The following CSNK1G1 variants were observed in gnomAD, a reference collection of about 807,000 sequenced individuals.
CSNK1G1 encodes the protein casein kinase I isoform gamma-1.
CSNK1G1 carries 22 observed loss-of-function variants against 59.6 expected under a neutral mutation model. That is an observed-to-expected ratio of 0.37 (90% CI 0.26 to 0.53). The LOEUF is 0.53. Ranked by LOEUF, CSNK1G1 falls within the 20% of genes least tolerant of loss-of-function variation. The pLI is 0.89. For missense variants in CSNK1G1, 384 were observed against 519.5 expected (o/e 0.74, Z 2.54); for synonymous variants, 179 against 177.1 (o/e 1.01, Z -0.08).
At chr15:64,287,480 T>A (rs1407300734) in intron 2 of CSNK1G1, among the ~76,000 whole-genome samples, 1 of 152,182 alleles carries the variant, frequency 6.6e-6, no homozygotes, top group Non-Finnish European at 1.5e-5. Flanking sequence ...GTTAGGACTT[T>A]TGTTCAACTC....
At chr15:64,172,037 C>G (rs988680966) in intron 11 of CSNK1G1, 52 bp from the exon 12 acceptor site, 4 of 1,535,622 alleles carry the variant, frequency 2.6e-6, no homozygotes, top group Non-Finnish European at 3.6e-6. Context: ...CAGCTTCCAG[C>G]AGACTTCTGC....
At chr15:64,285,135 T>A (rs1596219969) in intron 2 of CSNK1G1, among the ~76,000 whole-genome samples, 3 of 152,230 alleles carry the variant, frequency 2.0e-5, no homozygotes, top group East Asian at 1.9e-4. Flanking sequence ...TATTTATTAT[T>A]ATAATAAAAT....
intron 3 of CSNK1G1, among the ~76,000 whole-genome samples, chr15:64,256,917 G>A (rs1256965217): frequency 6.6e-6 from 1 of 151,892 alleles, no homozygotes; most frequent in African/African-American, 2.4e-5. Flanking sequence ...GAAAACATAT[G>A]CCTGCCTAAA....
chr15:64,216,918 C>T lies in CSNK1G1; in HGVS notation c.293-205G>A, dbSNP rs2082318572. Among the ~76,000 whole-genome samples, 1 of 152,194 alleles carries T rather than the reference C, an allele frequency of 6.6e-6. No homozygotes were observed. The highest frequency in any genetic ancestry group is 1.5e-5 in the Non-Finnish European group (1 of 68,036). On this transcript the variant is annotated intron_variant, in intron 4 of 11. Transcript: ENST00000303052. The surrounding 1 kb of genome is among the most constrained non-coding windows in gnomAD (Gnocchi z 4.6). ...TGATGGGAAAGGCTAAGTCATTGCA[C>T]AATACGTTCAAATGAGTAGTTATTT...
chr15:64,245,009 A>T (rs891881194), intron 4 of CSNK1G1, among the ~76,000 whole-genome samples: 1 of 152,214 alleles, frequency 6.6e-6, no homozygotes, highest in African/African-American at 2.4e-5. Flanking sequence ...AATTTTCAAC[A>T]AAGGTGCCAA....
At chr15:64,227,217 A>G (rs1204658760) in intron 4 of CSNK1G1, among the ~76,000 whole-genome samples, 1 of 152,206 alleles carries the variant, frequency 6.6e-6, no homozygotes, top group Non-Finnish European at 1.5e-5. Flanking sequence ...GAATACTAAC[A>G]CAATTGATTT....
intron 2 of CSNK1G1, among the ~76,000 whole-genome samples, chr15:64,276,365 T>C (rs1248898004): frequency 6.6e-6 from 1 of 152,252 alleles, no homozygotes; most frequent in Non-Finnish European, 1.5e-5. Context: ...CAAAGGCATA[T>C]GATTTTCCCC....
chr15:64,213,249 G>A (rs2082271122), intron 6 of CSNK1G1, among the ~76,000 whole-genome samples: 1 of 152,010 alleles, frequency 6.6e-6, no homozygotes, highest in Non-Finnish European at 1.5e-5. Context: ...AAGTGGATAA[G>A]CCTAGGGCTC....
intron 1 of CSNK1G1, among the ~76,000 whole-genome samples, chr15:64,330,002 G>A (rs1160373587): frequency 2.0e-5 from 3 of 151,462 alleles, no homozygotes; most frequent in African/African-American, 7.3e-5. Context: ...GAATAGACCA[G>A]TAACAGGAGC....
At chr15:64,353,856 T>C (rs1002142126) in intron 1 of CSNK1G1, among the ~76,000 whole-genome samples, 1 of 152,114 alleles carries the variant, frequency 6.6e-6, no homozygotes, top group African/African-American at 2.4e-5. Flanking sequence ...AAAAACAGAC[T>C]TCATGTTTCT....
chr15:64,239,151 T>C (rs531049296), intron 4 of CSNK1G1, among the ~76,000 whole-genome samples: 111 of 152,318 alleles, frequency 7.3e-4, no homozygotes, highest in Non-Finnish European at 4.7e-4. Flanking sequence ...TGAAAGTCTT[T>C]GTCTATCAAA....
At chr15:64,310,072 C>T (rs1596258021) in intron 1 of CSNK1G1, among the ~76,000 whole-genome samples, 1 of 151,500 alleles carries the variant, frequency 6.6e-6, no homozygotes, top group African/African-American at 2.4e-5. Context: ...GTGATCACAC[C>T]ACTACCCTCC....
chr15:64,220,515 T>A (rs1211723745), intron 4 of CSNK1G1, among the ~76,000 whole-genome samples: 1 of 150,584 alleles, frequency 6.6e-6, no homozygotes, highest in East Asian at 2.0e-4. Flanking sequence ...TTTTTTTTTT[T>A]ATTCAGAGTC....
intron 1 of CSNK1G1, among the ~76,000 whole-genome samples, chr15:64,319,949 G>C (rs1411485716): frequency 7.4e-6 from 1 of 135,978 alleles, no homozygotes; most frequent in Non-Finnish European, 1.6e-5. Flanking sequence ...TTTGAGACAG[G>C]GTCTCACTCT....
chr15:64,251,447 T>G, intron 4 of CSNK1G1, 65 bp downstream of exon 4: 1 of 1,189,140 alleles, frequency 8.4e-7, no homozygotes, highest in Non-Finnish European at 1.2e-6. Context: ...CAAAAAAATT[T>G]GTATATTTTA....
chr15:64,342,788 C>T (rs563877259), intron 1 of CSNK1G1: 1 of 152,300 alleles, frequency 6.6e-6, no homozygotes, highest in Non-Finnish European at 1.5e-5. Flanking sequence ...CTCTGCCTAA[C>T]TTTCATTATC....
chr15:64,254,947 C>A (rs1364026533), intron 3 of CSNK1G1, among the ~76,000 whole-genome samples: 7 of 152,120 alleles, frequency 4.6e-5, no homozygotes, highest in African/African-American at 7.2e-5. Context: ...GGTCTTTGAT[C>A]CACTCTGAAT....
Position 64,180,412 on chromosome 15 carries a change from T to A in CSNK1G1, c.1150A>T (p.Thr384Ser). The change falls in exon 11 of 12, where the codon ACG becomes TCG. Residue 384 changes from threonine (T) to serine (S), a missense_variant. Coordinates refer to ENST00000303052, the MANE Select transcript of CSNK1G1 (RefSeq NM_022048.5). ...ATTGGTGCATTGGAGTGGGCTCCCGTGGGATCATCAACATTCAGCTCTCCA... is the reference window on the plus strand; with the variant it reads ...ATTGGTGCATTGGAGTGGGCTCCCGAGGGATCATCAACATTCAGCTCTCCA... ...TNGELNVDDP[T>S]GAHSNAPITA... The A allele has an allele frequency of 6.2e-7, 1 of 1,614,178 alleles. No homozygotes were observed. Among genetic ancestry groups the A allele is most frequent in the Middle Eastern group, 1.6e-4 (1 of 6,062 alleles).
intron 1 of CSNK1G1, among the ~76,000 whole-genome samples, chr15:64,340,084 T>A (rs553400337): frequency 4.6e-5 from 7 of 152,316 alleles, no homozygotes; most frequent in African/African-American, 1.2e-4. Context: ...GTCATTTTTT[T>A]AAAAAACTGA....
Sources: gnomAD v4.1 joint callset for allele counts (sites outside exome capture counted in the v4.1 genomes callset) on GRCh38, gnomAD v4.1.1 for gene constraint, Gnocchi (gnomAD v3.1) non-coding constraint, MANE v1.5 for transcripts, NCBI Gene and HGNC (gene_info 2026-07-23, HGNC 2026-07-21) for gene names.